Variants in RELN observed in about 807,000 individuals in gnomAD.
RELN encodes reelin.
Under a neutral mutation model 427.6 loss-of-function variants are expected in RELN, and 108 were observed. The ratio of observed to expected loss-of-function variants is 0.25; its 90% CI spans 0.22 to 0.30. The LOEUF is 0.30. RELN is among the 10% of genes least tolerant of loss of function. The pLI, the probability that RELN is intolerant of heterozygous loss-of-function variation, is 1.00. For missense variants in RELN, 3,715 were observed against 4,302.8 expected (o/e 0.86, Z 3.82); for synonymous variants, 1,524 against 1,513.4 (o/e 1.01, Z -0.16).
chr7:103,585,560 A>G (rs1831251022), intron 28 of RELN, among the ~76,000 whole-genome samples: 1 of 152,166 alleles, frequency 6.6e-6, no homozygotes. Context: ...AGCAGTAAGA[A>G]AAAGTCTTCC....
intron 28 of RELN, among the ~76,000 whole-genome samples, chr7:103,584,761 T>C (rs901990105): frequency 6.6e-6 from 1 of 152,206 alleles, no homozygotes; most frequent in African/African-American, 2.4e-5. Context: ...CAGAATATAC[T>C]GCTTCACTTC....
chr7:103,529,884 T>A (rs1033832378), intron 46 of RELN, among the ~76,000 whole-genome samples: 1 of 152,188 alleles, frequency 6.6e-6, no homozygotes, highest in African/African-American at 2.4e-5. Context: ...GTTTATGTCA[T>A]TGAAGGCCAT....
intron 2 of RELN, among the ~76,000 whole-genome samples, chr7:103,852,424 T>A (rs1563051599): frequency 6.6e-6 from 1 of 152,196 alleles, no homozygotes; most frequent in African/African-American, 2.4e-5. Flanking sequence ...CTTTGGTAAA[T>A]TATATGTAAA....
At chr7:103,639,961 G>A (rs1832664744) in intron 17 of RELN, among the ~76,000 whole-genome samples, 1 of 152,058 alleles carries the variant, frequency 6.6e-6, no homozygotes, top group South Asian at 2.1e-4. Context: ...TAATTCATTG[G>A]TGGTAATTAG....
intron 64 of RELN, among the ~76,000 whole-genome samples, chr7:103,474,875 T>A (rs1342989122): frequency 6.6e-6 from 1 of 152,114 alleles, no homozygotes; most frequent in Non-Finnish European, 1.5e-5. Context: ...AATGCATAAT[T>A]GTATACATGT....
intron 3 of RELN, among the ~76,000 whole-genome samples, chr7:103,790,385 G>A (rs909211529): frequency 6.6e-6 from 1 of 152,010 alleles, no homozygotes; most frequent in African/African-American, 2.4e-5. Context: ...TTATTCTACT[G>A]TTGTTGGAAT....
rs751971003 is a variant in RELN, at chr7:103,558,033, A to T, written c.5546T>A (p.Leu1849His). The stretch of plus-strand genomic sequence containing the variant: ...TGTACAATCTAGATCTCTTGAAATA[A>T]GCATCCTTAGTCCTTCCTGAAAATA... Reference protein sequence around the residue: ...LIFKGEGLRMLISRDLDCTNT... With the variant: ...LIFKGEGLRMHISRDLDCTNT... Residue 1849 changes from leucine (L) to histidine (H), a missense_variant, in exon 37 of 65, where the codon CTT becomes CAT. Leu to His is a moderately conservative substitution (Grantham distance 99). Transcript: ENST00000428762. The T allele has an allele frequency of 4.6e-6, 7 of 1,517,468 alleles. No individual in the cohort carries two copies. Among genetic ancestry groups the T allele is most frequent in the Non-Finnish European group, 6.4e-6 (7 of 1,092,514 alleles). The allele number at this position is 1,517,468 out of a possible 1,614,324, so 94.0% of individuals were successfully genotyped here. A position where few individuals can be genotyped will look rare whatever the true frequency, so the allele number is the denominator to read the frequency against.
chr7:103,652,418 AGT>A, intron 14 of RELN, 131 bp downstream of exon 14: 1 of 723,434 alleles, frequency 1.4e-6, no homozygotes, highest in Non-Finnish European at 2.4e-6. Flanking sequence ...ATTTGGCAAA[AGT>A]GTGTTATTTC....
chr7:103,557,981 A>C lies in RELN; in HGVS notation c.5598T>G (p.Leu1866=), dbSNP rs1830562461. 3 of 1,388,330 alleles carry C rather than the reference A, an allele frequency of 2.2e-6. No individual in the cohort carries two copies. In the African/African-American group the frequency reaches 4.2e-5, roughly 20 times the overall value. 86.0% of individuals were successfully genotyped at this position (1,388,330 alleles called of 1,614,324 possible). A position where few individuals can be genotyped will look rare whatever the true frequency, so the allele number is the denominator to read the frequency against. Residue 1866 remains leucine (L), a synonymous_variant, in exon 37 of 65, where the codon CTT becomes CTG. Transcript: ENST00000428762. ...CTNTMYVQFS[L]RFIAKSTPER... is the part of the protein sequence containing the mutation. ...CATACTTACTTTTTGCTATAAATCT[A>C]AGTGAAAACTGGACATACATTGTAT...
intron 2 of RELN, among the ~76,000 whole-genome samples, chr7:103,897,249 G>A (rs915670383): frequency 6.6e-6 from 1 of 152,070 alleles, no homozygotes; most frequent in Non-Finnish European, 1.5e-5. Context: ...CAGTTCATTA[G>A]CTGAGTGTCA....
chr7:103,931,259 C>T (rs745529285), intron 1 of RELN, among the ~76,000 whole-genome samples: 17 of 152,174 alleles, frequency 1.1e-4, no homozygotes, highest in Non-Finnish European at 1.3e-4. Context: ...GGGTTGTTAT[C>T]CCAGTTTCAG....
chr7:103,528,207 A>C (rs1163041005), intron 46 of RELN, among the ~76,000 whole-genome samples: 2 of 152,254 alleles, frequency 1.3e-5, no homozygotes, highest in Non-Finnish European at 2.9e-5. Flanking sequence ...ATGGAATATT[A>C]ATCAGCTGTA....
At position 103,910,514 on chromosome 7, in the gene RELN, T is replaced by C. The variant is rs542485348; in HGVS notation, c.337+6561A>G. Among the ~76,000 whole-genome samples, 11 of 151,642 alleles carry C rather than the reference T, an allele frequency of 7.3e-5. No individual in the cohort carries two copies. The East Asian group carries it at 1.8e-3, about 24-fold the overall frequency. On this transcript the variant is annotated intron_variant, in intron 2 of 64. Coordinates refer to ENST00000428762, the MANE Select transcript of RELN (RefSeq NM_005045.4). ...TTGGAAAAAACTACTTTAAGGTTCA[T>C]ATGGAACCAAAAAAGAGCCCGCATC...
Position 103,721,270 on chromosome 7 carries a change from CTT to C in RELN, c.805+1868_805+1869del, listed in dbSNP as rs570615303. On this transcript the variant is annotated intron_variant, in intron 8 of 64. Transcript: ENST00000428762. The stretch of plus-strand genomic sequence containing the variant: ...GCCATCTCTCTCTCTCTCTCTCTCT[CTT>C]TCCCCAATTCTGTTACTCTTCCAGT... Among the ~76,000 whole-genome samples the C allele has an allele frequency of 6.0e-3, 846 of 140,730 alleles. 6 individuals are homozygous for C. Among genetic ancestry groups the C allele is most frequent in the African/African-American group, 0.021 (790 of 37,004 alleles). 92.3% of individuals were successfully genotyped at this position (140,730 alleles called of 152,430 possible). A position where few individuals can be genotyped will look rare whatever the true frequency, so the allele number is the denominator to read the frequency against.
In RELN at chr7:103,748,722, C is replaced by T. The variant is rs117665976; in HGVS notation, c.656+704G>A. Reference sequence around the variant, plus strand: ...AGTCTTGAGTATTACATTACTTGAACTTAGTTTACATTAGAGTTGCTAATT... The same window carrying T: ...AGTCTTGAGTATTACATTACTTGAATTTAGTTTACATTAGAGTTGCTAATT... On this transcript the variant is annotated intron_variant, in intron 6 of 64. Transcript: ENST00000428762. Among the ~76,000 whole-genome samples the T allele has an allele frequency of 7.5e-4, 114 of 152,306 alleles. No homozygotes were observed. In the South Asian group the frequency reaches 0.012, roughly 16 times the overall value.
chr7:103,933,971 T>A (rs1041227282), intron 1 of RELN, among the ~76,000 whole-genome samples: 2 of 152,188 alleles, frequency 1.3e-5, no homozygotes, highest in African/African-American at 4.8e-5. Flanking sequence ...GGCACCCTGA[T>A]CCCTGCCCAC....
intron 3 of RELN, among the ~76,000 whole-genome samples, chr7:103,829,982 A>AGGTAAAT (rs1273690652): frequency 1.3e-5 from 2 of 152,036 alleles, no homozygotes; most frequent in African/African-American, 2.4e-5. Flanking sequence ...TAGAAAGATC[A>AGGTAAAT]GGTAAATGGT....
chr7:103,696,186 G>A (rs565303795), intron 10 of RELN, among the ~76,000 whole-genome samples: 11 of 152,052 alleles, frequency 7.2e-5, no homozygotes, highest in African/African-American at 2.4e-4. Flanking sequence ...TCTGTAAGCC[G>A]TGAGACACAT....
At chr7:103,979,309 G>A (rs1468298778) in intron 1 of RELN, among the ~76,000 whole-genome samples, 2 of 152,174 alleles carry the variant, frequency 1.3e-5, no homozygotes, top group Non-Finnish European at 2.9e-5. Context: ...AATGAGACAA[G>A]GGCAGACCCC....
Sources: allele counts gnomAD v4.1 joint callset (sites outside exome capture counted in the v4.1 genomes callset), GRCh38; gene constraint gnomAD v4.1.1; transcripts MANE v1.5; gene names NCBI Gene and HGNC (gene_info 2026-07-23, HGNC 2026-07-21).